KIAA1958: variants seen among roughly 807,000 people sequenced by gnomAD.
The protein encoded by KIAA1958 is uncharacterized protein KIAA1958.
Under a neutral mutation model 47.2 loss-of-function variants are expected in KIAA1958, and 14 were observed. The observed-to-expected ratio is 0.30, with a 90% CI of 0.20 to 0.46. The LOEUF (loss-of-function observed/expected upper bound fraction) is 0.46. Ranked by LOEUF, KIAA1958 falls within the 20% of genes least tolerant of loss-of-function variation. The probability of loss-of-function intolerance (pLI) is 1.00; values close to 1 mark genes in which losing one functional copy is unlikely to be tolerated. For synonymous variants in KIAA1958, 354 were observed against 353.3 expected (o/e 1.00, Z -0.02); for missense variants, 803 against 909.2 (o/e 0.88, Z 1.50).
intron 1 of KIAA1958, among the ~76,000 whole-genome samples, chr9:112,505,187 A>C (rs1380171660): frequency 6.6e-6 from 1 of 152,106 alleles, no homozygotes; most frequent in Non-Finnish European, 1.5e-5. Context: ...AATGACTTCC[A>C]GTTTCATCCA....
intron 1 of KIAA1958, among the ~76,000 whole-genome samples, chr9:112,494,480 T>C (rs1277390780): frequency 6.6e-6 from 1 of 152,050 alleles, no homozygotes; most frequent in Non-Finnish European, 1.5e-5. Context: ...ATGGTATCTA[T>C]CGCTTTTTTT....
chr9:112,598,857 G>A (rs1229813829), intron 2 of KIAA1958, among the ~76,000 whole-genome samples: 1 of 151,990 alleles, frequency 6.6e-6, no homozygotes, highest in Non-Finnish European at 1.5e-5. Flanking sequence ...TGGGAGGATC[G>A]CTTGATGCCA....
intron 2 of KIAA1958, among the ~76,000 whole-genome samples, chr9:112,621,001 C>T (rs973470038): frequency 6.6e-6 from 1 of 152,064 alleles, no homozygotes; most frequent in Non-Finnish European, 1.5e-5. Flanking sequence ...ATGGTCAGGT[C>T]AAGATAAGTC....
Position 112,618,218 on chromosome 9 carries a change from T to G in KIAA1958, c.1172-27432T>G. On this transcript the variant is annotated intron_variant, in intron 2 of 3. Coordinates refer to ENST00000337530, the MANE Select transcript of KIAA1958 (RefSeq NM_133465.4). This position sits in a 1 kb window ranked among gnomAD's most constrained non-coding sequence, Gnocchi z 7.1. ...GAAGCAGAAGCAAATTGAACTCCGC[T>G]GTAAAGGAAAAGGAAATAAGCCACA... 2 of 1,550,636 alleles carry G rather than the reference T, an allele frequency of 1.3e-6. No individual in the cohort carries two copies. The highest frequency in any genetic ancestry group is 1.2e-5 in the South Asian group (1 of 84,064).
At chr9:112,624,764 A>T (rs1836576590) in intron 2 of KIAA1958, among the ~76,000 whole-genome samples, 1 of 152,194 alleles carries the variant, frequency 6.6e-6, no homozygotes, top group South Asian at 2.1e-4. Flanking sequence ...CCAGAGTATT[A>T]ATTAGGTCAG....
intron 2 of KIAA1958, among the ~76,000 whole-genome samples, chr9:112,621,594 AAC>A (rs1364966923): frequency 1.3e-5 from 2 of 152,346 alleles, no homozygotes; most frequent in African/African-American, 4.8e-5. Flanking sequence ...CATTTAGAAA[AAC>A]ACAAATTGGG....
intron 1 of KIAA1958, among the ~76,000 whole-genome samples, chr9:112,502,576 G>T (rs969948033): frequency 2.6e-5 from 4 of 152,136 alleles, no homozygotes; most frequent in African/African-American, 9.7e-5. Flanking sequence ...GAAAAGCAAT[G>T]TGTCAATATA....
chr9:112,599,347 A>T (rs1836089333), intron 2 of KIAA1958, among the ~76,000 whole-genome samples: 1 of 145,774 alleles, frequency 6.9e-6, no homozygotes, highest in Non-Finnish European at 1.5e-5. Flanking sequence ...GTTTATTCCT[A>T]AATTAGAAGA....
At chr9:112,624,556 A>G (rs1836571561) in intron 2 of KIAA1958, among the ~76,000 whole-genome samples, 1 of 152,246 alleles carries the variant, frequency 6.6e-6, no homozygotes, top group African/African-American at 2.4e-5. Flanking sequence ...GATGATATTG[A>G]TGGAGTACCA....
At chr9:112,626,478 TAAG>T (rs940084621) in intron 2 of KIAA1958, among the ~76,000 whole-genome samples, 12 of 152,192 alleles carry the variant, frequency 7.9e-5, no homozygotes, top group African/African-American at 2.9e-4. Flanking sequence ...TTCATTTCAA[TAAG>T]AGCTTTGAAA....
At chr9:112,635,228 G>T (rs1275829698) in intron 2 of KIAA1958, among the ~76,000 whole-genome samples, 1 of 142,416 alleles carries the variant, frequency 7.0e-6, no homozygotes, top group Admixed American at 7.0e-5. Flanking sequence ...GTGTGTGTGT[G>T]TGTGTGTGTG....
chr9:112,553,747 C>T (rs1835195848), intron 1 of KIAA1958, among the ~76,000 whole-genome samples: 1 of 152,124 alleles, frequency 6.6e-6, no homozygotes, highest in Non-Finnish European at 1.5e-5. Flanking sequence ...CGTCACTTAT[C>T]ACACAGTGTT....
rs1588052774 is a variant in KIAA1958 at position 112,645,908 on chromosome 9, C to T, written c.1344+86C>T. On this transcript the variant is annotated intron_variant, in intron 3 of 3. Coordinates refer to ENST00000337530, the MANE Select transcript of KIAA1958 (RefSeq NM_133465.4). Reference sequence around the variant, plus strand: ...ACTGTGCTAAGCATTGTAGGGAACACAGAACGGTGGCTTTCTGCCTGGGGA... The same window carrying T: ...ACTGTGCTAAGCATTGTAGGGAACATAGAACGGTGGCTTTCTGCCTGGGGA... 6.1e-6 allele frequency: 7 copies of T among 1,146,312 alleles called. No homozygotes were observed. The East Asian group carries it at 1.9e-4, about 31-fold the overall frequency. 71.0% of individuals were successfully genotyped at this position (1,146,312 alleles called of 1,614,324 possible).
intron 1 of KIAA1958, among the ~76,000 whole-genome samples, chr9:112,547,377 CAAAAAA>C (rs58406658): frequency 7.1e-5 from 6 of 84,026 alleles, no homozygotes; most frequent in Admixed American, 1.3e-4. Flanking sequence ...GACTCTGTCT[CAAAAAA>C]AAAAAAAAAA....
At chr9:112,633,030 G>A (rs1226356553) in intron 2 of KIAA1958, among the ~76,000 whole-genome samples, 1 of 150,794 alleles carries the variant, frequency 6.6e-6, no homozygotes, top group African/African-American at 2.4e-5. Context: ...ACCATTTATT[G>A]AAGAATCCAT....
intron 1 of KIAA1958, among the ~76,000 whole-genome samples, chr9:112,571,580 G>A (rs1835534244): frequency 6.6e-6 from 1 of 152,112 alleles, no homozygotes; most frequent in Non-Finnish European, 1.5e-5. Flanking sequence ...CTCTCTGTGA[G>A]GAGTAAGAGA....
intron 2 of KIAA1958, among the ~76,000 whole-genome samples, chr9:112,626,118 C>G (rs1248545687): frequency 6.6e-6 from 1 of 151,944 alleles, no homozygotes; most frequent in African/African-American, 2.4e-5. Context: ...TAGGAAGTTT[C>G]TGAAGTAAAT....
chr9:112,595,676 TAAAAAAAA>T (rs57064581), intron 2 of KIAA1958, among the ~76,000 whole-genome samples: 1 of 133,544 alleles, frequency 7.5e-6, no homozygotes, highest in African/African-American at 2.8e-5. Context: ...AGACTCCATC[TAAAAAAAA>T]AAAAAAAAAA....
chr9:112,525,235 G>A lies in KIAA1958; in HGVS notation c.-25+38117G>A, dbSNP rs144562080. ...GTCAGAGATGGTTGCATCAATGAAC[G>A]TTTAGGTAGGTGTTCTGTGTAGGGA... On this transcript the variant is annotated intron_variant, in intron 1 of 3. Transcript: ENST00000337530. 9.2e-5 allele frequency among the ~76,000 whole-genome samples: 14 copies of A among 152,302 alleles called. No homozygotes were observed. In the South Asian group the frequency reaches 1.4e-3, roughly 16 times the overall value.
Sources: gnomAD v4.1 joint callset for allele counts (sites outside exome capture counted in the v4.1 genomes callset) on GRCh38, gnomAD v4.1.1 for gene constraint, Gnocchi (gnomAD v3.1) non-coding constraint, MANE v1.5 for transcripts, NCBI Gene and HGNC (gene_info 2026-07-23, HGNC 2026-07-21) for gene names.